TANGO6: variants seen among roughly 807,000 people sequenced by gnomAD.
TANGO6 encodes the protein transport and Golgi organization protein 6 homolog.
A neutral mutation model predicts 114.2 loss-of-function variants in TANGO6; 90 were observed. That is an observed-to-expected ratio of 0.79 (90% CI 0.66 to 0.94). The LOEUF (loss-of-function observed/expected upper bound fraction) is 0.94, where lower values mean the gene tolerates loss of function less well. TANGO6 is among the 40% of genes least tolerant of loss of function. TANGO6 has a pLI of 0.00. For synonymous variants in TANGO6, 477 were observed against 509.8 expected, an observed-to-expected ratio of 0.94 and a Z score of 0.87; for missense variants, 1,274 against 1,315.3, an observed-to-expected ratio of 0.97 and a Z score of 0.49.
intron 14 of TANGO6, among the ~76,000 whole-genome samples, chr16:68,943,274 A>T (rs1195024523): frequency 6.2e-4 from 64 of 102,496 alleles, no homozygotes; most frequent in Middle Eastern, 0.017. Context: ...TTATTTTATT[A>T]TTTTTATTTT....
intron 14 of TANGO6, among the ~76,000 whole-genome samples, chr16:68,963,013 G>A (rs1963609090): frequency 6.7e-6 from 1 of 148,976 alleles, no homozygotes; most frequent in South Asian, 2.1e-4. Context: ...AGAATGCCAT[G>A]AACCCGGGAG....
At chr16:68,980,409 C>CTCTCTCTATATA (rs1408626276) in intron 15 of TANGO6, among the ~76,000 whole-genome samples, 6 of 67,988 alleles carry the variant, frequency 8.8e-5, no homozygotes, top group Admixed American at 5.3e-4. Context: ...CTCTCTCTCT[C>CTCTCTCTATATA]TATATATATA....
intron 14 of TANGO6, among the ~76,000 whole-genome samples, chr16:68,969,194 A>G (rs1307682898): frequency 6.6e-6 from 1 of 152,070 alleles, no homozygotes; most frequent in Non-Finnish European, 1.5e-5. Flanking sequence ...AAAGGGATTG[A>G]TGTGTGATGT....
At chr16:68,989,770 G>A (rs552639690) in intron 15 of TANGO6, among the ~76,000 whole-genome samples, 7 of 152,296 alleles carry the variant, frequency 4.6e-5, no homozygotes, top group South Asian at 2.1e-4. Flanking sequence ...GGCAATTAAC[G>A]TAGGCTGAAA....
intron 2 of TANGO6, among the ~76,000 whole-genome samples, chr16:68,862,558 C>G (rs1360864081): frequency 1.3e-5 from 2 of 152,170 alleles, no homozygotes; most frequent in Non-Finnish European, 2.9e-5. Flanking sequence ...TTAAGGCGCA[C>G]TGGAAAACTG....
At chr16:69,043,283 AGTGTGTGTGTGTGTGTGT>A (rs57443398) in intron 17 of TANGO6, among the ~76,000 whole-genome samples, 2,018 of 146,748 alleles carry the variant, frequency 0.014, 49 homozygotes, top group South Asian at 0.087. Flanking sequence ...AGACAGAGCG[AGTGTGTGTGTGTGTGTGT>A]GTGTGTGTGT....
chr16:68,934,572 A>C (rs1177963435), intron 14 of TANGO6, among the ~76,000 whole-genome samples: 1 of 152,084 alleles, frequency 6.6e-6, no homozygotes, highest in African/African-American at 2.4e-5. Flanking sequence ...AGAGTGCAGG[A>C]ATTGAGATAG....
At chr16:68,925,927 T>G (rs1963161417) in intron 12 of TANGO6, among the ~76,000 whole-genome samples, 1 of 151,372 alleles carries the variant, frequency 6.6e-6, no homozygotes, top group African/African-American at 2.4e-5. Context: ...AAACTGTATT[T>G]TTTTTTCCAT....
chr16:68,879,704 C>T (rs1962426562), intron 6 of TANGO6, among the ~76,000 whole-genome samples: 1 of 150,744 alleles, frequency 6.6e-6, no homozygotes, highest in Non-Finnish European at 1.5e-5. Context: ...GCAAGCTCTG[C>T]CTCCCAGGTT....
chr16:68,916,618 C>T (rs1204800457), intron 11 of TANGO6, among the ~76,000 whole-genome samples: 1 of 152,048 alleles, frequency 6.6e-6, no homozygotes, highest in Non-Finnish European at 1.5e-5. Context: ...CCATTCTTTA[C>T]TTACTAGAAT....
intron 14 of TANGO6, among the ~76,000 whole-genome samples, chr16:68,948,893 T>G (rs1963442970): frequency 6.6e-6 from 1 of 152,160 alleles, no homozygotes; most frequent in Non-Finnish European, 1.5e-5. Flanking sequence ...GCTTCAGAAA[T>G]CAATCCTGGG....
At chr16:68,869,476 TCAAA>T (rs555689009) in intron 4 of TANGO6, among the ~76,000 whole-genome samples, 3 of 152,284 alleles carry the variant, frequency 2.0e-5, no homozygotes, top group Admixed American at 6.5e-5. Flanking sequence ...ATATCCTGTG[TCAAA>T]CAAACAAACA....
chr16:69,074,976 G>A (rs1960352863), intron 17 of TANGO6, among the ~76,000 whole-genome samples: 1 of 151,982 alleles, frequency 6.6e-6, no homozygotes, highest in Non-Finnish European at 1.5e-5. Context: ...AGCCTCCTGA[G>A]TATCTGGGAT....
At chr16:68,929,420 C>G (rs978134582) in intron 13 of TANGO6, among the ~76,000 whole-genome samples, 2 of 152,164 alleles carry the variant, frequency 1.3e-5, no homozygotes, top group Non-Finnish European at 2.9e-5. Context: ...CTTGCTTACT[C>G]CATAAAAGAT....
intron 7 of TANGO6, among the ~76,000 whole-genome samples, chr16:68,897,602 G>A (rs1175243847): frequency 6.7e-6 from 1 of 150,006 alleles, no homozygotes; most frequent in African/African-American, 2.5e-5. Context: ...TTTTGAGACG[G>A]TGTTTTACTC....
chr16:69,025,082 GT>G (rs1430977632), intron 16 of TANGO6, among the ~76,000 whole-genome samples: 1 of 152,168 alleles, frequency 6.6e-6, no homozygotes, highest in African/African-American at 2.4e-5. Context: ...TGCTGGTGAT[GT>G]TGGATTTTTC....
At chr16:69,043,722 T>C (rs774768399) in intron 17 of TANGO6, among the ~76,000 whole-genome samples, 7 of 152,190 alleles carry the variant, frequency 4.6e-5, no homozygotes, top group Non-Finnish European at 1.0e-4. Flanking sequence ...GGAATTTCTC[T>C]TTATGGCTCT....
chr16:69,020,900 A>ATGTGTG lies in TANGO6; in HGVS notation c.2843-1925_2843-1924insGTGTGT, dbSNP rs764050755. 4.1e-3 allele frequency among the ~76,000 whole-genome samples: 520 copies of ATGTGTG among 126,454 alleles called. 2 individuals carry two copies. Among genetic ancestry groups the ATGTGTG allele is most frequent in the African/African-American group, 0.018 (503 of 27,868 alleles). The allele number at this position is 126,454 out of a possible 152,430, so 83.0% of individuals were successfully genotyped here. ...AGACCCACCCCCCCTTTATATATGTATGTATGTGTGTGTGTGTGTGTGTGT... is the reference window on the plus strand; with the variant it reads ...AGACCCACCCCCCCTTTATATATGTATGTGTGTGTATGTGTGTGTGTGTGTGTGTGT... On this transcript the variant is annotated intron_variant, in intron 15 of 17. Transcript: ENST00000261778.
intron 17 of TANGO6, among the ~76,000 whole-genome samples, chr16:69,063,670 A>C (rs1256619419): frequency 6.8e-6 from 1 of 146,986 alleles, no homozygotes; most frequent in Non-Finnish European, 1.5e-5. Context: ...AAAAAAAAAA[A>C]CAAAGTTCTT....
Sources: allele counts gnomAD v4.1 joint callset (sites outside exome capture counted in the v4.1 genomes callset), GRCh38; gene constraint gnomAD v4.1.1; transcripts MANE v1.5; gene names NCBI Gene and HGNC (gene_info 2026-07-23, HGNC 2026-07-21).